The following CDC73 variants were observed in gnomAD, a reference collection of about 807,000 sequenced individuals.
CDC73 encodes parafibromin.
In CDC73, 21 loss-of-function variants were observed where a neutral mutation model predicts 83.7. The ratio of observed to expected loss-of-function variants is 0.25; its 90% CI spans 0.18 to 0.36. The LOEUF is 0.36. Ranked by LOEUF, CDC73 falls within the 10% of genes least tolerant of loss-of-function variation. CDC73 has a pLI of 1.00. For synonymous variants in CDC73, 224 were observed against 212.9 expected, an observed-to-expected ratio of 1.05 and a Z score of -0.45; for missense variants, 342 against 653.3, an observed-to-expected ratio of 0.52 and a Z score of 5.19.
intron 1 of CDC73, among the ~76,000 whole-genome samples, chr1:193,122,826 A>C (rs912026018): frequency 6.6e-6 from 1 of 152,008 alleles, no homozygotes; most frequent in Admixed American, 6.6e-5. Context: ...TGTAGAAGAG[A>C]AAAGGGAATC....
At chr1:193,235,624 A>C (rs935608790) in intron 14 of CDC73, among the ~76,000 whole-genome samples, 1 of 152,190 alleles carries the variant, frequency 6.6e-6, no homozygotes, top group Non-Finnish European at 1.5e-5. Flanking sequence ...CTTTCTAGGA[A>C]AACTGGGTTG....
chr1:193,147,740 A>G, intron 7 of CDC73, 127 bp from the exon 8 acceptor site: 1 of 690,092 alleles, frequency 1.4e-6, no homozygotes, highest in South Asian at 1.6e-5. Context: ...TATGTGTATA[A>G]TAATGATACC....
intron 10 of CDC73, among the ~76,000 whole-genome samples, chr1:193,159,660 C>T (rs1178916168): frequency 6.6e-6 from 1 of 152,124 alleles, no homozygotes; most frequent in Non-Finnish European, 1.5e-5. Context: ...CCGTGCCCGG[C>T]CTCCTTTCAC....
At chr1:193,160,180 A>G (rs1233344507) in intron 10 of CDC73, among the ~76,000 whole-genome samples, 1 of 152,184 alleles carries the variant, frequency 6.6e-6, no homozygotes, top group African/African-American at 2.4e-5. Flanking sequence ...TATCTGTAAC[A>G]TAACTTTTAA....
chr1:193,125,717 T>G (rs1393317281), intron 2 of CDC73, among the ~76,000 whole-genome samples: 1 of 151,976 alleles, frequency 6.6e-6, no homozygotes, highest in Non-Finnish European at 1.5e-5. Context: ...ACTGGGACTA[T>G]AGGCATGGCC....
intron 11 of CDC73, among the ~76,000 whole-genome samples, chr1:193,205,791 CT>C: frequency 6.6e-6 from 1 of 152,048 alleles, no homozygotes; most frequent in South Asian, 2.1e-4. Context: ...GCTAAAGGAG[CT>C]TTTTACAGGA....
intron 13 of CDC73, among the ~76,000 whole-genome samples, chr1:193,225,245 G>GAT (rs56261261): frequency 0.048 from 6,926 of 143,430 alleles, 224 homozygotes; most frequent in East Asian, 0.19. Context: ...AGTATTCCAT[G>GAT]ATATATATAT....
intron 10 of CDC73, among the ~76,000 whole-genome samples, chr1:193,167,699 C>A (rs1676454691): frequency 1.3e-5 from 2 of 151,830 alleles, no homozygotes; most frequent in Admixed American, 1.3e-4. Context: ...GTTTTCTGAC[C>A]ATTCCTTTCA....
At chr1:193,155,570 G>T (rs1345839710) in intron 10 of CDC73, among the ~76,000 whole-genome samples, 1 of 152,150 alleles carries the variant, frequency 6.6e-6, no homozygotes, top group Non-Finnish European at 1.5e-5. Flanking sequence ...TTGAAGCCAG[G>T]AGTTCAAGAC....
intron 10 of CDC73, among the ~76,000 whole-genome samples, chr1:193,182,963 G>A (rs1030148780): frequency 6.6e-6 from 1 of 151,850 alleles, no homozygotes; most frequent in Non-Finnish European, 1.5e-5. Context: ...TAATACAGGA[G>A]CATTTATTTG....
At chr1:193,166,467 CA>C (rs1442712277) in intron 10 of CDC73, among the ~76,000 whole-genome samples, 1 of 151,866 alleles carries the variant, frequency 6.6e-6, no homozygotes, top group African/African-American at 2.4e-5. Flanking sequence ...TATTGCCTTA[CA>C]TTTTTTAGTC....
intron 13 of CDC73, among the ~76,000 whole-genome samples, chr1:193,215,550 T>A (rs1170156021): frequency 1.3e-5 from 2 of 152,028 alleles, no homozygotes; most frequent in Non-Finnish European, 1.5e-5. Context: ...TTAAACAGCC[T>A]GGTCCTAAAT....
intron 13 of CDC73, among the ~76,000 whole-genome samples, chr1:193,221,283 A>G (rs935032899): frequency 2.6e-5 from 4 of 152,162 alleles, no homozygotes; most frequent in Admixed American, 6.5e-5. Context: ...TATTGCATTT[A>G]TCTCCAAATT....
intron 15 of CDC73, among the ~76,000 whole-genome samples, chr1:193,243,226 C>T (rs1402008639): frequency 2.0e-5 from 3 of 152,092 alleles, no homozygotes; most frequent in African/African-American, 7.3e-5. Flanking sequence ...AGGCGTGAGC[C>T]ACCGTGCCCA....
intron 10 of CDC73, among the ~76,000 whole-genome samples, chr1:193,164,176 T>C (rs142280140): frequency 0.012 from 1,858 of 152,332 alleles, 18 homozygotes; most frequent in South Asian, 0.034. Context: ...GACTAGTCCA[T>C]AGTACATAGT....
At chr1:193,141,271 C>G (rs914014885) in intron 6 of CDC73, 1 of 152,216 alleles carries the variant, frequency 6.6e-6, no homozygotes, top group Non-Finnish European at 1.5e-5. Flanking sequence ...TAGTCTCTTT[C>G]AACTATTTTG....
At chr1:193,172,169 C>T (rs1676527584) in intron 10 of CDC73, among the ~76,000 whole-genome samples, 1 of 151,578 alleles carries the variant, frequency 6.6e-6, no homozygotes, top group African/African-American at 2.4e-5. Context: ...AAGTGATTCA[C>T]CCACCTCGGC....
At position 193,197,794 on chromosome 1, in the gene CDC73, T is replaced by C. The variant is rs934296052; in HGVS notation, c.973-6001T>C. 6.6e-5 allele frequency among the ~76,000 whole-genome samples: 10 copies of C among 151,866 alleles called. 1 individual carries two copies. The South Asian group carries it at 2.1e-3, about 32-fold the overall frequency. The stretch of plus-strand genomic sequence containing the variant: ...TAGAAAAATTAGCCAGGTTTGATGG[T>C]GCACGCCTGCACTCCCAGCTACTCA... On this transcript the variant is annotated intron_variant, in intron 10 of 16. Coordinates refer to ENST00000367435, the MANE Select transcript of CDC73 (RefSeq NM_024529.5).
At chr1:193,228,203 T>C (rs191896813) in intron 13 of CDC73, among the ~76,000 whole-genome samples, 83 of 152,320 alleles carry the variant, frequency 5.4e-4, no homozygotes, top group African/African-American at 1.9e-3. Context: ...TATCTTAGAG[T>C]TGCTGTGGCT....
Sources: gnomAD v4.1 joint callset for allele counts (sites outside exome capture counted in the v4.1 genomes callset) on GRCh38, gnomAD v4.1.1 for gene constraint, MANE v1.5 for transcripts, NCBI Gene and HGNC (gene_info 2026-07-23, HGNC 2026-07-21) for gene names.